KIAA1958: variants seen among roughly 807,000 people sequenced by gnomAD.
KIAA1958 encodes the protein uncharacterized protein KIAA1958.
In KIAA1958, 14 loss-of-function variants were observed where a neutral mutation model predicts 47.2. The observed-to-expected ratio is 0.30, with a 90% CI of 0.20 to 0.46. The LOEUF (loss-of-function observed/expected upper bound fraction) is 0.46, where lower values mean the gene tolerates loss of function less well. KIAA1958 is among the 20% of genes least tolerant of loss of function. The pLI, the probability that KIAA1958 is intolerant of heterozygous loss-of-function variation, is 1.00. For synonymous variants in KIAA1958, 354 were observed against 353.3 expected (o/e 1.00, Z -0.02); for missense variants, 803 against 909.2 (o/e 0.88, Z 1.50).
At chr9:112,600,478 T>C (rs1294669851) in intron 2 of KIAA1958, among the ~76,000 whole-genome samples, 2 of 152,214 alleles carry the variant, frequency 1.3e-5, no homozygotes, top group African/African-American at 4.8e-5. Context: ...ATTCTCTGAT[T>C]CTACCCTTGT....
chr9:112,499,200 CATG>C (rs1270663544), intron 1 of KIAA1958, among the ~76,000 whole-genome samples: 216 of 152,320 alleles, frequency 1.4e-3, no homozygotes, highest in African/African-American at 4.6e-3. Flanking sequence ...CTACAATAAA[CATG>C]GTGGTGGAGA....
chr9:112,538,652 A>G (rs1244276726), intron 1 of KIAA1958, among the ~76,000 whole-genome samples: 4 of 152,222 alleles, frequency 2.6e-5, no homozygotes, highest in African/African-American at 9.7e-5. Context: ...AGGCAAAAAC[A>G]TAAAACAAAA....
At position 112,644,832 on chromosome 9, in the gene KIAA1958, TA is replaced by T. The variant is rs200356680; in HGVS notation, c.1172-808del. Among the ~76,000 whole-genome samples the T allele has an allele frequency of 1.0e-4, 15 of 149,572 alleles. 2 individuals carry two copies. The highest frequency in any genetic ancestry group is 3.4e-3 in the Middle Eastern group (1 of 294). On this transcript the variant is annotated intron_variant, in intron 2 of 3. Transcript: ENST00000337530. Reference sequence around the variant, plus strand: ...TCTATGAATTTTGTGAACAAAACTTTAAAAAAAAAATGCTAACACAGAGCTG... The same window carrying T: ...TCTATGAATTTTGTGAACAAAACTTTAAAAAAAAATGCTAACACAGAGCTG...
chr9:112,536,630 G>A (rs577376424), intron 1 of KIAA1958, among the ~76,000 whole-genome samples: 1 of 152,042 alleles, frequency 6.6e-6, no homozygotes, highest in Non-Finnish European at 1.5e-5. Context: ...AAAATAAATG[G>A]ATACTACTTG....
chr9:112,495,739 C>A (rs1424122568), intron 1 of KIAA1958, among the ~76,000 whole-genome samples: 1 of 152,160 alleles, frequency 6.6e-6, no homozygotes. Context: ...TGTCATTGCT[C>A]CAAACTGAAA....
At chr9:112,640,962 A>G (rs1836880104) in intron 2 of KIAA1958, among the ~76,000 whole-genome samples, 2 of 152,070 alleles carry the variant, frequency 1.3e-5, no homozygotes, top group African/African-American at 4.8e-5. Context: ...ATTTTATTCC[A>G]TTATGCTTCA....
At chr9:112,602,172 T>A (rs1302281286) in intron 2 of KIAA1958, among the ~76,000 whole-genome samples, 3 of 152,200 alleles carry the variant, frequency 2.0e-5, no homozygotes, top group African/African-American at 7.2e-5. Context: ...ATGGTAGTTA[T>A]AAGGTTGTTA....
At position 112,583,714 on chromosome 9, in the gene KIAA1958, A is replaced by G. The variant is rs566867786; in HGVS notation, c.1171+8463A>G. ...TATTATTATATATTAGAGTAATACCATACCTGTTTAAAGCACATGAACATT... is the reference window on the plus strand; with the variant it reads ...TATTATTATATATTAGAGTAATACCGTACCTGTTTAAAGCACATGAACATT... On this transcript the variant is annotated intron_variant, in intron 2 of 3. Coordinates refer to ENST00000337530, the MANE Select transcript of KIAA1958 (RefSeq NM_133465.4). 1.2e-4 allele frequency among the ~76,000 whole-genome samples: 18 copies of G among 152,330 alleles called. No homozygotes were observed. The South Asian group carries it at 3.7e-3, about 32-fold the overall frequency.
At chr9:112,552,047 T>C (rs1835159852) in intron 1 of KIAA1958, among the ~76,000 whole-genome samples, 1 of 152,182 alleles carries the variant, frequency 6.6e-6, no homozygotes, top group African/African-American at 2.4e-5. Flanking sequence ...AGGTGGGTAG[T>C]TTGAATGGGG....
intron 2 of KIAA1958, among the ~76,000 whole-genome samples, chr9:112,607,156 A>T (rs1412101943): frequency 2.6e-5 from 4 of 152,088 alleles, no homozygotes; most frequent in African/African-American, 4.8e-5. Flanking sequence ...CAGGGGTTCC[A>T]GACCAGCCTG....
chr9:112,488,232 A>G (rs1833904624), intron 1 of KIAA1958, among the ~76,000 whole-genome samples: 1 of 152,106 alleles, frequency 6.6e-6, no homozygotes, highest in Non-Finnish European at 1.5e-5. Context: ...CCCCTCTAGG[A>G]TTGTGCCTTT....
At chr9:112,490,565 G>A (rs1462385110) in intron 1 of KIAA1958, among the ~76,000 whole-genome samples, 1 of 152,200 alleles carries the variant, frequency 6.6e-6, no homozygotes, top group African/African-American at 2.4e-5. Flanking sequence ...TGGTTGGCTA[G>A]TTACTGTGTA....
Position 112,511,772 on chromosome 9 carries a change from A to G in KIAA1958, c.-25+24654A>G, listed in dbSNP as rs184717435. Among the ~76,000 whole-genome samples the G allele has an allele frequency of 1.8e-3, 271 of 152,354 alleles. 2 individuals are homozygous for G. The highest frequency in any genetic ancestry group is 6.4e-3 in the African/African-American group (266 of 41,584). On this transcript the variant is annotated intron_variant, in intron 1 of 3. Transcript: ENST00000337530. ...AATTAAAAAAATTTTAAAAATAGAA[A>G]TATCTAGCCAGACTGATCGAAAATT...
At chr9:112,629,580 CATCTTT>C (rs1836674904) in intron 2 of KIAA1958, among the ~76,000 whole-genome samples, 1 of 152,162 alleles carries the variant, frequency 6.6e-6, no homozygotes, top group Non-Finnish European at 1.5e-5. Flanking sequence ...AGAGTACTCT[CATCTTT>C]ATTTTGCTGC....
At position 112,513,073 on chromosome 9, in the gene KIAA1958, C is replaced by G. The variant is rs1465996307; in HGVS notation, c.-25+25955C>G. Among the ~76,000 whole-genome samples the G allele has an allele frequency of 2.2e-5, 3 of 138,708 alleles. No individual in the cohort carries two copies. The East Asian group carries it at 6.5e-4, about 30-fold the overall frequency. 91.0% of individuals were successfully genotyped at this position (138,708 alleles called of 152,430 possible). On this transcript the variant is annotated intron_variant, in intron 1 of 3. Coordinates refer to ENST00000337530, the MANE Select transcript of KIAA1958 (RefSeq NM_133465.4). ...AGGCTGGAGTGCAGTGGCGCGATCT[C>G]GGCTCACTGCAACCTCTGCCTCCTG... is the stretch of plus-strand genomic sequence containing the variant.
chr9:112,605,720 T>G (rs1267447482), intron 2 of KIAA1958, among the ~76,000 whole-genome samples: 2 of 152,224 alleles, frequency 1.3e-5, no homozygotes, highest in Non-Finnish European at 2.9e-5. Flanking sequence ...TCTTTCAGTT[T>G]CTCAAATTTT....
chr9:112,545,402 C>T (rs1397515047), intron 1 of KIAA1958, among the ~76,000 whole-genome samples: 1 of 152,046 alleles, frequency 6.6e-6, no homozygotes, highest in Non-Finnish European at 1.5e-5. Context: ...GAATTTAAAC[C>T]ATATTGAGGG....
At chr9:112,548,124 C>T (rs1200128296) in intron 1 of KIAA1958, among the ~76,000 whole-genome samples, 1 of 150,744 alleles carries the variant, frequency 6.6e-6, no homozygotes, top group African/African-American at 2.4e-5. Context: ...CCACCTCAGT[C>T]CCCCAAGTAG....
chr9:112,488,208 T>C (rs1310041631), intron 1 of KIAA1958, among the ~76,000 whole-genome samples: 1 of 152,176 alleles, frequency 6.6e-6, no homozygotes, highest in East Asian at 1.9e-4. Context: ...ACCATGAATG[T>C]CAGAATTGAG....
Sources: allele counts gnomAD v4.1 joint callset (sites outside exome capture counted in the v4.1 genomes callset), GRCh38; gene constraint gnomAD v4.1.1; transcripts MANE v1.5; gene names NCBI Gene and HGNC (gene_info 2026-07-23, HGNC 2026-07-21).